MACROD2: variants seen among roughly 807,000 people sequenced by gnomAD.
MACROD2 encodes mono-ADP ribosylhydrolase 2.
MACROD2 carries 36 observed loss-of-function variants against 70.4 expected under a neutral mutation model. That is an observed-to-expected ratio of 0.51 (90% confidence interval 0.39 to 0.68). The LOEUF (loss-of-function observed/expected upper bound fraction) is 0.68. Among genes scored for constraint, MACROD2 ranks in the 30% least tolerant of loss-of-function variants. The pLI is 0.00. For missense variants in MACROD2, 496 were observed against 538.4 expected, an observed-to-expected ratio of 0.92 and a Z score of 0.78; for synonymous variants, 172 against 178.8, an observed-to-expected ratio of 0.96 and a Z score of 0.30.
At chr20:15,167,337 C>G (rs2145883012) in intron 5 of MACROD2, among the ~76,000 whole-genome samples, 1 of 152,222 alleles carries the variant, frequency 6.6e-6, no homozygotes, top group East Asian at 1.9e-4. Context: ...TTTGTGAAAA[C>G]TCATAACCCC....
intron 5 of MACROD2, among the ~76,000 whole-genome samples, chr20:14,730,992 C>CACACACAT: frequency 7.2e-6 from 1 of 139,546 alleles, no homozygotes; most frequent in African/African-American, 2.6e-5. Flanking sequence ...CACACACACA[C>CACACACAT]ACACACACAC....
At chr20:15,895,896 C>T (rs2064964602) in intron 10 of MACROD2, among the ~76,000 whole-genome samples, 1 of 152,184 alleles carries the variant, frequency 6.6e-6, no homozygotes, top group African/African-American at 2.4e-5. Flanking sequence ...TAAGTGATTG[C>T]TATCAGCTGG....
intron 8 of MACROD2, among the ~76,000 whole-genome samples, chr20:15,622,971 A>G (rs919015852): frequency 3.3e-5 from 5 of 152,232 alleles, no homozygotes; most frequent in East Asian, 1.9e-4. Context: ...ATCTTGGAAC[A>G]TATCCTTCAC....
At chr20:16,017,267 C>T (rs760447213) in intron 15 of MACROD2, among the ~76,000 whole-genome samples, 6 of 152,174 alleles carry the variant, frequency 3.9e-5, no homozygotes, top group East Asian at 1.9e-4. Context: ...GAAATGCCAA[C>T]CTCCACACAT....
intron 5 of MACROD2, among the ~76,000 whole-genome samples, chr20:14,758,332 AAGC>A (rs1174523545): frequency 6.6e-6 from 1 of 152,080 alleles, no homozygotes; most frequent in East Asian, 1.9e-4. Flanking sequence ...TTATTCTGGA[AAGC>A]AGAAGTAATC....
chr20:14,428,259 T>G (rs2083956753), intron 3 of MACROD2, among the ~76,000 whole-genome samples: 1 of 152,112 alleles, frequency 6.6e-6, no homozygotes. Context: ...CCTATTAAAA[T>G]CTTGGTATTC....
intron 2 of MACROD2, among the ~76,000 whole-genome samples, chr20:14,063,381 C>T (rs774724961): frequency 1.8e-4 from 27 of 152,268 alleles, no homozygotes; most frequent in African/African-American, 1.2e-4. Context: ...TCTACCACCT[C>T]GTGGGGCATT....
intron 5 of MACROD2, among the ~76,000 whole-genome samples, chr20:14,968,673 T>A (rs565641758): frequency 6.6e-6 from 1 of 152,322 alleles, no homozygotes; most frequent in African/African-American, 2.4e-5. Flanking sequence ...TCTGATTCAG[T>A]AAGTCTGGAT....
chr20:15,169,313 A>C (rs141249785), intron 5 of MACROD2, among the ~76,000 whole-genome samples: 69 of 152,210 alleles, frequency 4.5e-4, no homozygotes, highest in African/African-American at 1.6e-3. Flanking sequence ...GATGGAGGGG[A>C]AGAGGAGTGG....
intron 3 of MACROD2, among the ~76,000 whole-genome samples, chr20:14,147,048 A>G (rs1392602164): frequency 1.3e-5 from 2 of 152,158 alleles, no homozygotes; most frequent in Non-Finnish European, 2.9e-5. Context: ...GGTGAGTGGT[A>G]AAAGGGAAGC....
At position 14,077,772 on chromosome 20, in the gene MACROD2, T is replaced by A. The variant is rs570148872; in HGVS notation, c.164-7849T>A. Among the ~76,000 whole-genome samples, 19 of 152,292 alleles carry A rather than the reference T, an allele frequency of 1.2e-4. No individual in the cohort carries two copies. The South Asian group carries it at 1.9e-3, about 15-fold the overall frequency. ...TTGATTTCTATATAAAGTTTTTTTT[T>A]AAATAACATCAGCCCAACAGTGTGC... On this transcript the variant is annotated intron_variant, in intron 2 of 17. Transcript: ENST00000684519.
intron 5 of MACROD2, among the ~76,000 whole-genome samples, chr20:15,185,100 T>C (rs2076525838): frequency 6.6e-6 from 1 of 152,168 alleles, no homozygotes; most frequent in Non-Finnish European, 1.5e-5. Flanking sequence ...TACTGTATCA[T>C]AGGATCCTTA....
At chr20:14,468,977 A>G (rs2084494079) in intron 3 of MACROD2, among the ~76,000 whole-genome samples, 1 of 152,144 alleles carries the variant, frequency 6.6e-6, no homozygotes, top group African/African-American at 2.4e-5. Flanking sequence ...TCCTGGCATT[A>G]TGATGCTAGC....
intron 4 of MACROD2, among the ~76,000 whole-genome samples, chr20:14,525,373 A>G (rs1027973715): frequency 6.6e-6 from 1 of 152,218 alleles, no homozygotes; most frequent in African/African-American, 2.4e-5. Context: ...AGTGATGATC[A>G]CTAATGTTTA....
intron 3 of MACROD2, among the ~76,000 whole-genome samples, chr20:14,475,522 T>C (rs1444087248): frequency 6.6e-6 from 1 of 152,082 alleles, no homozygotes; most frequent in Admixed American, 6.5e-5. Flanking sequence ...TAGCATCTTT[T>C]CACACATTAG....
intron 8 of MACROD2, among the ~76,000 whole-genome samples, chr20:15,820,095 T>G (rs1261182329): frequency 6.6e-6 from 1 of 152,170 alleles, no homozygotes; most frequent in Non-Finnish European, 1.5e-5. Context: ...CTCTATATCC[T>G]AGGAGAAGCG....
At chr20:14,921,246 A>G (rs1432954696) in intron 5 of MACROD2, among the ~76,000 whole-genome samples, 3 of 152,140 alleles carry the variant, frequency 2.0e-5, no homozygotes, top group Non-Finnish European at 2.9e-5. Context: ...ACATATTCCA[A>G]TCTAGTGAAA....
rs563768096 is a variant in MACROD2, at chr20:15,427,538, A to G, written c.541-3867A>G. 2.3e-4 allele frequency among the ~76,000 whole-genome samples: 35 copies of G among 152,102 alleles called. No homozygotes were observed. In the South Asian group the frequency reaches 6.0e-3, roughly 26 times the overall value. On this transcript the variant is annotated intron_variant, in intron 6 of 17. Coordinates refer to ENST00000684519, the MANE Select transcript of MACROD2 (RefSeq NM_001351661.2). ...TTATTAAGGAGTGCCCTTAATCAAT[A>G]CCTGGGGAAGAGAGAGAGAGGAAGC...
chr20:14,014,830 T>A (rs2052964373), intron 2 of MACROD2, among the ~76,000 whole-genome samples: 1 of 152,110 alleles, frequency 6.6e-6, no homozygotes, highest in Non-Finnish European at 1.5e-5. Flanking sequence ...TTAGATAGGG[T>A]CTTGCTGTTG....
Sources: allele counts gnomAD v4.1 joint callset (sites outside exome capture counted in the v4.1 genomes callset), GRCh38; gene constraint gnomAD v4.1.1; transcripts MANE v1.5; gene names NCBI Gene and HGNC (gene_info 2026-07-23, HGNC 2026-07-21).